The following ESRP1 variants were observed in gnomAD, a reference collection of about 807,000 sequenced individuals.
ESRP1 encodes epithelial splicing regulatory protein 1, also known as RNA-binding motif protein 35A.
Under a neutral mutation model 81.7 loss-of-function variants are expected in ESRP1, and 33 were observed. The ratio of observed to expected loss-of-function variants is 0.40; its 90% CI spans 0.31 to 0.54. ESRP1 has a LOEUF of 0.54. Among genes scored for constraint, ESRP1 ranks in the 20% least tolerant of loss-of-function variants. The probability of loss-of-function intolerance (pLI) is 0.41; values close to 1 mark genes in which losing one functional copy is unlikely to be tolerated. For missense variants in ESRP1, 672 were observed against 833.1 expected (o/e 0.81, Z 2.38); for synonymous variants, 320 against 303.3 (o/e 1.06, Z -0.57).
chr8:94,663,202 T>C (rs1818842044), intron 6 of ESRP1, among the ~76,000 whole-genome samples: 1 of 152,224 alleles, frequency 6.6e-6, no homozygotes, highest in Non-Finnish European at 1.5e-5. Flanking sequence ...GAGTTCACAA[T>C]TTTTACTGAG....
chr8:94,680,933 T>TGGG, intron 13 of ESRP1, among the ~76,000 whole-genome samples: 1 of 151,852 alleles, frequency 6.6e-6, no homozygotes, highest in Admixed American at 6.6e-5. Flanking sequence ...CCATAAGTGG[T>TGGG]GGGTTATGCC....
At chr8:94,674,580 C>G in intron 12 of ESRP1, 74 bp downstream of exon 12, 1 of 1,384,424 alleles carries the variant, frequency 7.2e-7, no homozygotes, top group Non-Finnish European at 9.8e-7. Flanking sequence ...TCGTAACTTT[C>G]TGTGCCCCTG....
intron 3 of ESRP1, 127 bp downstream of exon 3, chr8:94,643,543 G>A: frequency 1.7e-6 from 1 of 579,198 alleles, no homozygotes; most frequent in East Asian, 2.8e-5. Context: ...TATTTAATGA[G>A]TACAGAATTT....
At chr8:94,690,276 A>ATTT (rs373440584) in intron 13 of ESRP1, among the ~76,000 whole-genome samples, 1,793 of 61,270 alleles carry the variant, frequency 0.029, 192 homozygotes, top group African/African-American at 0.055. Context: ...TGCCTGGCTA[A>ATTT]TTTTTTTTTT....
intron 4 of ESRP1, among the ~76,000 whole-genome samples, chr8:94,648,933 A>G (rs888422169): frequency 1.5e-4 from 23 of 152,206 alleles, no homozygotes; most frequent in African/African-American, 5.5e-4. Flanking sequence ...ACAAAAATCC[A>G]TTTTTGGCTG....
intron 13 of ESRP1, among the ~76,000 whole-genome samples, chr8:94,679,802 C>T (rs1006357244): frequency 4.6e-5 from 7 of 152,056 alleles, no homozygotes; most frequent in East Asian, 1.9e-4. Context: ...TGGTAATACA[C>T]GTGTATGCTT....
chr8:94,669,683 A>G (rs1167589603), intron 10 of ESRP1, among the ~76,000 whole-genome samples: 1 of 151,952 alleles, frequency 6.6e-6, no homozygotes, highest in East Asian at 1.9e-4. Flanking sequence ...TTGGGCAACA[A>G]GGTGAAACTC....
In ESRP1 at chr8:94,642,018, A is replaced by G; in HGVS notation, c.195A>G (p.Lys65=). Residue 65 remains lysine (K), a synonymous_variant, in exon 2 of 16, where the codon AAA becomes AAG. Transcript: ENST00000433389. ...PDQLELTEDC[K]EETKIDVESL... ...AGTTGGAACTGACGGAGGACTGCAA[A>G]GAAGAAACTAAAATAGACGTCGAAA... The G allele has an allele frequency of 1.2e-6, 2 of 1,614,008 alleles. No individual in the cohort carries two copies. Among genetic ancestry groups the G allele is most frequent in the Non-Finnish European group, 8.5e-7 (1 of 1,179,888 alleles).
chr8:94,668,510 G>T, intron 10 of ESRP1: 1 of 279,280 alleles, frequency 3.6e-6, no homozygotes, highest in African/African-American at 2.2e-5. Flanking sequence ...AACTATGAAA[G>T]CTTACCTATG....
intron 10 of ESRP1, among the ~76,000 whole-genome samples, chr8:94,668,791 G>A (rs1013120859): frequency 6.7e-6 from 1 of 149,902 alleles, no homozygotes; most frequent in African/African-American, 2.5e-5. Context: ...CTTTCAGCAT[G>A]TGTGTGTGTG....
chr8:94,692,699 C>T lies in ESRP1; in HGVS notation c.1843C>T (p.Leu615Phe). The change falls in exon 14 of 16, where the codon CTT becomes TTT. Residue 615 changes from leucine to phenylalanine, a missense_variant. Physicochemically the swap from Leu to Phe is conservative, Grantham distance 22 (BLOSUM62 0). Transcript: ENST00000433389. ...YPSPPGSPNS[L>F]GYFPTAANLS... ...TAGCCCCCCAGGTTCGCCTAATAGTCTTGGCTACTTCCCTACAGCTGCTAA... is the reference window on the plus strand; with the variant it reads ...TAGCCCCCCAGGTTCGCCTAATAGTTTTGGCTACTTCCCTACAGCTGCTAA... 1 of 1,613,908 alleles carries T rather than the reference C, an allele frequency of 6.2e-7. No individual in the cohort carries two copies. The highest frequency in any genetic ancestry group is 1.1e-5 in the South Asian group (1 of 91,050).
At chr8:94,653,594 C>T (rs987218035) in intron 4 of ESRP1, among the ~76,000 whole-genome samples, 1 of 152,160 alleles carries the variant, frequency 6.6e-6, no homozygotes, top group Non-Finnish European at 1.5e-5. Flanking sequence ...CCATTTTACA[C>T]ATATAAATTT....
chr8:94,645,035 CACA>C (rs1473135539), intron 3 of ESRP1, among the ~76,000 whole-genome samples: 1 of 152,114 alleles, frequency 6.6e-6, no homozygotes, highest in African/African-American at 2.4e-5. Flanking sequence ...TTTAAATGGA[CACA>C]ACAATTTAAA....
At chr8:94,699,128 A>C (rs975389270) in intron 15 of ESRP1, among the ~76,000 whole-genome samples, 2 of 152,240 alleles carry the variant, frequency 1.3e-5, no homozygotes, top group African/African-American at 4.8e-5. Context: ...AAGTATACTG[A>C]ATAAGAAATG....
intron 9 of ESRP1, among the ~76,000 whole-genome samples, chr8:94,666,004 C>G (rs1818998105): frequency 1.3e-5 from 2 of 152,080 alleles, no homozygotes; most frequent in South Asian, 4.1e-4. Context: ...GGTTTTTATC[C>G]AGTTATTTAG....
intron 15 of ESRP1, among the ~76,000 whole-genome samples, chr8:94,701,071 G>C (rs1028046005): frequency 1.6e-4 from 24 of 151,438 alleles, no homozygotes; most frequent in Non-Finnish European, 3.5e-4. Flanking sequence ...TCAGGAGTTC[G>C]AGACCAGTCT....
intron 12 of ESRP1, among the ~76,000 whole-genome samples, chr8:94,676,217 C>T (rs926350327): frequency 3.2e-4 from 48 of 151,920 alleles, no homozygotes; most frequent in African/African-American, 1.1e-3. Context: ...AAAAAATTGC[C>T]GGGAGTGGTG....
chr8:94,667,183 A>G (rs1819066803), intron 9 of ESRP1, among the ~76,000 whole-genome samples: 1 of 151,020 alleles, frequency 6.6e-6, no homozygotes, highest in Non-Finnish European at 1.5e-5. Flanking sequence ...GTGCCACTGC[A>G]CTCCAGCCTA....
intron 4 of ESRP1, among the ~76,000 whole-genome samples, chr8:94,649,801 C>T (rs1439348150): frequency 6.6e-6 from 1 of 152,228 alleles, no homozygotes; most frequent in Non-Finnish European, 1.5e-5. Flanking sequence ...GCGTGAGCCA[C>T]TGCACCCGAC....
Sources: allele counts gnomAD v4.1 joint callset (sites outside exome capture counted in the v4.1 genomes callset), GRCh38; gene constraint gnomAD v4.1.1; transcripts MANE v1.5; gene names NCBI Gene and HGNC (gene_info 2026-07-23, HGNC 2026-07-21).